The following ITPR1 variants were observed in gnomAD, a reference collection of about 807,000 sequenced individuals.
ITPR1 encodes the protein inositol 1,4,5-trisphosphate-gated calcium channel ITPR1.
ITPR1 carries 96 observed loss-of-function variants against 318.4 expected under a neutral mutation model. That is an observed-to-expected ratio of 0.30 (90% CI 0.26 to 0.36). The LOEUF is 0.36. ITPR1 is among the 10% of genes least tolerant of loss of function. ITPR1 has a pLI of 1.00. For missense variants in ITPR1, 2,440 were observed against 3,460.2 expected (o/e 0.71, Z 7.40); for synonymous variants, 1,312 against 1,289.9 (o/e 1.02, Z -0.37).
At chr3:4,659,941 C>T (rs890614480) in intron 13 of ITPR1, among the ~76,000 whole-genome samples, 2 of 152,040 alleles carry the variant, frequency 1.3e-5, no homozygotes, top group African/African-American at 2.4e-5. Context: ...TTTATTGTTA[C>T]ACATAATGCT....
chr3:4,807,165 G>GCTTACAAAGAGAGGGGGA (rs2106480184), intron 55 of ITPR1, among the ~76,000 whole-genome samples: 1 of 39,606 alleles, frequency 2.5e-5, no homozygotes, highest in South Asian at 1.1e-3. Flanking sequence ...AGAGAGGGGG[G>GCTTACAAAGAGAGGGGGA]CTTACAAAGA....
intron 16 of ITPR1, among the ~76,000 whole-genome samples, chr3:4,664,381 T>G (rs1470117322): frequency 6.6e-6 from 1 of 152,186 alleles, no homozygotes; most frequent in South Asian, 2.1e-4. Flanking sequence ...CAACTGGAGA[T>G]TAGCCCACAA....
chr3:4,510,742 T>G (rs304039), intron 2 of ITPR1, among the ~76,000 whole-genome samples: 51,518 of 151,908 alleles, frequency 0.34, 9,002 homozygotes, highest in Admixed American at 0.4. Context: ...GGCTGGGAAG[T>G]AGAGATCCAT....
intron 54 of ITPR1, among the ~76,000 whole-genome samples, chr3:4,804,688 G>A (rs1386393992): frequency 6.6e-6 from 1 of 152,134 alleles, no homozygotes; most frequent in African/African-American, 2.4e-5. Flanking sequence ...ACATCATCAT[G>A]GATCATCCAG....
chr3:4,626,182 TTCTG>T (rs1334120742), intron 4 of ITPR1, among the ~76,000 whole-genome samples: 5 of 144,506 alleles, frequency 3.5e-5, no homozygotes, highest in Admixed American at 6.7e-5. Context: ...ACCCTAAACT[TTCTG>T]TGTGTGTGTG....
chr3:4,581,470 A>T (rs1213351108), intron 4 of ITPR1, among the ~76,000 whole-genome samples: 3 of 152,154 alleles, frequency 2.0e-5, no homozygotes, highest in Non-Finnish European at 4.4e-5. Context: ...CATATTCTCC[A>T]CGAGCCTCTT....
At chr3:4,609,005 A>AC (rs2091893760) in intron 4 of ITPR1, among the ~76,000 whole-genome samples, 2 of 135,154 alleles carry the variant, frequency 1.5e-5, no homozygotes, top group Non-Finnish European at 3.1e-5. Context: ...CGTCTTTAAA[A>AC]AAAAAAAAAA....
At chr3:4,675,326 G>A in intron 23 of ITPR1, 78 bp downstream of exon 23, 1 of 956,694 alleles carries the variant, frequency 1.0e-6, no homozygotes. Context: ...TACCCTATAT[G>A]TGATGCCACA....
chr3:4,771,829 G>A (rs541513920), intron 46 of ITPR1, among the ~76,000 whole-genome samples: 2 of 152,186 alleles, frequency 1.3e-5, no homozygotes, highest in East Asian at 3.9e-4. Flanking sequence ...TTGGCTTGGG[G>A]GAGCGCACGG....
chr3:4,531,931 A>T (rs753568486), intron 4 of ITPR1, among the ~76,000 whole-genome samples: 1 of 152,178 alleles, frequency 6.6e-6, no homozygotes, highest in Non-Finnish European at 1.5e-5. Context: ...TCTCAGATGT[A>T]TTACTTAACC....
At chr3:4,685,873 C>T (rs2094385390) in intron 30 of ITPR1, among the ~76,000 whole-genome samples, 2 of 152,314 alleles carry the variant, frequency 1.3e-5, no homozygotes, top group Non-Finnish European at 1.5e-5. Flanking sequence ...GTGTTGTGCC[C>T]ACTTGACAGA....
chr3:4,541,565 C>T (rs1260542104), intron 4 of ITPR1, among the ~76,000 whole-genome samples: 2 of 151,510 alleles, frequency 1.3e-5, no homozygotes, highest in Admixed American at 6.6e-5. Context: ...TGTTAAGTTC[C>T]TAGATTTGAG....
chr3:4,706,757 C>T (rs1033691479), intron 37 of ITPR1, among the ~76,000 whole-genome samples: 1 of 152,176 alleles, frequency 6.6e-6, no homozygotes, highest in Non-Finnish European at 1.5e-5. Flanking sequence ...AATTTTACAT[C>T]AGAATGAGCC....
At chr3:4,510,714 A>G (rs1443698737) in intron 2 of ITPR1, among the ~76,000 whole-genome samples, 3 of 152,238 alleles carry the variant, frequency 2.0e-5, no homozygotes, top group Non-Finnish European at 4.4e-5. Context: ...GTAAATGTGA[A>G]CTTGTAACTG....
At chr3:4,674,381 C>G in intron 22 of ITPR1, 38 bp downstream of exon 22, 1 of 1,535,416 alleles carries the variant, frequency 6.5e-7, no homozygotes. Context: ...TATTATCTGC[C>G]TCTCAGTGGT....
At chr3:4,572,650 G>C (rs1006586291) in intron 4 of ITPR1, among the ~76,000 whole-genome samples, 3 of 152,192 alleles carry the variant, frequency 2.0e-5, no homozygotes, top group African/African-American at 7.2e-5. Flanking sequence ...GTTCAGGAGT[G>C]TTAGGCATAT....
At chr3:4,714,080 C>T (rs1320587788) in intron 39 of ITPR1, among the ~76,000 whole-genome samples, 1 of 152,200 alleles carries the variant, frequency 6.6e-6, no homozygotes, top group African/African-American at 2.4e-5. Flanking sequence ...GACCTGGTAG[C>T]TGGTATTCAC....
intron 36 of ITPR1, 52 bp from the exon 37 acceptor site, chr3:4,706,115 G>C (rs190584868): frequency 6.3e-7 from 1 of 1,598,730 alleles, no homozygotes; most frequent in African/African-American, 1.3e-5. Flanking sequence ...TCCATCTGTA[G>C]GGTGTCCCCC....
chr3:4,686,295 C>T (rs2094393092), intron 30 of ITPR1, among the ~76,000 whole-genome samples: 1 of 152,178 alleles, frequency 6.6e-6, no homozygotes, highest in Non-Finnish European at 1.5e-5. Context: ...GTCATGGGGA[C>T]CATATGAATC....
Sources: allele counts gnomAD v4.1 joint callset (sites outside exome capture counted in the v4.1 genomes callset), GRCh38; gene constraint gnomAD v4.1.1; transcripts MANE v1.5; gene names NCBI Gene and HGNC (gene_info 2026-07-23, HGNC 2026-07-21).